SRC: variants seen among roughly 807,000 people sequenced by gnomAD.
The protein encoded by SRC is proto-oncogene tyrosine-protein kinase Src.
A neutral mutation model predicts 62.9 loss-of-function variants in SRC; 13 were observed. The ratio of observed to expected loss-of-function variants is 0.21; its 90% CI spans 0.13 to 0.33. The LOEUF is 0.33. Among genes scored for constraint, SRC ranks in the 10% least tolerant of loss-of-function variants. The probability of loss-of-function intolerance (pLI) is 1.00; values close to 1 mark genes in which losing one functional copy is unlikely to be tolerated. For missense variants in SRC, 457 were observed against 737.3 expected (o/e 0.62, Z 4.40); for synonymous variants, 302 against 317.5 (o/e 0.95, Z 0.52).
chr20:37,373,282 ACAT>A (rs911327214), intron 2 of SRC, among the ~76,000 whole-genome samples: 4 of 149,178 alleles, frequency 2.7e-5, no homozygotes, highest in Admixed American at 1.3e-4. Context: ...ACACACACAC[ACAT>A]ATTACATATG....
chr20:37,352,775 C>T (rs1033510725), intron 1 of SRC, among the ~76,000 whole-genome samples: 3 of 152,176 alleles, frequency 2.0e-5, no homozygotes, highest in African/African-American at 4.8e-5. Context: ...CCCATATTTT[C>T]GAGCCGTAGC....
chr20:37,368,518 CTTTTTTTTTTTTTTTTTTTTTTTTTGT>C (rs2070104479), intron 2 of SRC, among the ~76,000 whole-genome samples: 6 of 73,898 alleles, frequency 8.1e-5, no homozygotes, highest in Admixed American at 6.2e-4. Flanking sequence ...CCTATATTTT[CTTTTTTTTTTTTTTTTTTTTTTTTTGT>C]TTTTTTTTTT....
chr20:37,361,451 T>C (rs930981037), intron 1 of SRC, among the ~76,000 whole-genome samples: 9 of 152,036 alleles, frequency 5.9e-5, no homozygotes, highest in Non-Finnish European at 1.3e-4. Context: ...GGGGGTGGGT[T>C]TGGGGCTCAG....
Position 37,384,542 on chromosome 20 carries a change from C to T in SRC, c.250+139C>T, listed in dbSNP as rs867157905. ...TAGCGCCCCTGGGTGACTTGGGTGT[C>T]CGGGGGGTGGGGGGGCGGCCGTACA... is the stretch of plus-strand genomic sequence containing the variant. On this transcript the variant is annotated intron_variant, in intron 4 of 13. Coordinates refer to ENST00000373578, the MANE Select transcript of SRC (RefSeq NM_198291.3). The surrounding 1 kb of genome is among the most constrained non-coding windows in gnomAD (Gnocchi z 6.7). 6 of 493,848 alleles carry T rather than the reference C, an allele frequency of 1.2e-5. No individual in the cohort carries two copies. The highest frequency in any genetic ancestry group is 2.2e-5 in the African/African-American group (1 of 45,066). The allele number at this position is 493,848 out of a possible 1,614,324, so 30.6% of individuals were successfully genotyped here.
chr20:37,404,620 G>C lies in SRC; in HGVS notation c.*1241G>C. On this transcript the variant is annotated 3_prime_UTR_variant, in exon 14 of 14. Transcript: ENST00000373578. ...CCACTGCCATGCACCAGGACTGGCT[G>C]TGTAACCTTGGGTGGCCCCTGCTGT... is the stretch of plus-strand genomic sequence containing the variant. The C allele has an allele frequency of 4.3e-6, 1 of 233,842 alleles. No homozygotes were observed. Among genetic ancestry groups the C allele is most frequent in the Non-Finnish European group, 8.5e-6 (1 of 118,152 alleles). 14.5% of individuals were successfully genotyped at this position (233,842 alleles called of 1,614,324 possible).
chr20:37,403,675 G>C lies in SRC; in HGVS notation c.*296G>C, dbSNP rs2070779325. 2.2e-6 allele frequency: 1 copy of C among 461,544 alleles called. No individual in the cohort carries two copies. The highest frequency in any genetic ancestry group is 4.0e-6 in the Non-Finnish European group (1 of 253,018). The allele number at this position is 461,544 out of a possible 1,614,324, so 28.6% of individuals were successfully genotyped here. ...TGTGGGTCTCTGGAAGAGGAACCAG[G>C]AGAAGGGCTGGGGCCGGGGCTGAGG... On this transcript the variant is annotated 3_prime_UTR_variant, in exon 14 of 14. Coordinates refer to ENST00000373578, the MANE Select transcript of SRC (RefSeq NM_198291.3). This position sits in a 1 kb window ranked among gnomAD's most constrained non-coding sequence, Gnocchi z 7.1.
At chr20:37,380,718 G>A (rs916975853) in intron 2 of SRC, among the ~76,000 whole-genome samples, 8 of 152,188 alleles carry the variant, frequency 5.3e-5, no homozygotes, top group African/African-American at 1.2e-4. Flanking sequence ...CCTGACAGCC[G>A]CGAGTGCACA....
At chr20:37,383,936 G>A (rs1484541974) in intron 3 of SRC, among the ~76,000 whole-genome samples, 1 of 150,586 alleles carries the variant, frequency 6.6e-6, no homozygotes, top group African/African-American at 2.5e-5. Context: ...GGGTTTCCGC[G>A]TGTTGGCCCG....
At chr20:37,377,772 A>G (rs2070299844) in intron 2 of SRC, among the ~76,000 whole-genome samples, 2 of 152,256 alleles carry the variant, frequency 1.3e-5, no homozygotes. Flanking sequence ...CAACTGATAC[A>G]GGGTGTAAAG....
chr20:37,369,762 C>T lies in SRC; in HGVS notation c.-173+4485C>T, dbSNP rs531689750. On this transcript the variant is annotated intron_variant, in intron 2 of 13. Transcript: ENST00000373578. ...CTTTTACCGTTAAGTAGGATGTTAG[C>T]TCTGGGGTTTTCTTTTTCTTTTTTC... Among the ~76,000 whole-genome samples the T allele has an allele frequency of 2.0e-5, 3 of 151,862 alleles. No individual in the cohort carries two copies. In the South Asian group the frequency reaches 6.2e-4, roughly 32 times the overall value.
intron 2 of SRC, 94 bp downstream of exon 2, chr20:37,365,371 C>A (rs1274620667): frequency 7.3e-6 from 1 of 137,196 alleles, no homozygotes; most frequent in African/African-American, 2.7e-5. Flanking sequence ...CACACACACA[C>A]GACAGGGAAA....
chr20:37,367,243 T>A (rs1323225259), intron 2 of SRC, among the ~76,000 whole-genome samples: 1 of 151,278 alleles, frequency 6.6e-6, no homozygotes, highest in Non-Finnish European at 1.5e-5. Context: ...TGGCTAATTT[T>A]TTTTTTTTTT....
chr20:37,396,071 C>G lies in SRC; in HGVS notation c.554-91C>G, dbSNP rs905648791. ...GGCCCCGCCTGGGCCTCCCTTCCCTCCAATGTCAGGCAGGCACAGAACGGT... is the reference window on the plus strand; with the variant it reads ...GGCCCCGCCTGGGCCTCCCTTCCCTGCAATGTCAGGCAGGCACAGAACGGT... On this transcript the variant is annotated intron_variant, in intron 7 of 13. Coordinates refer to ENST00000373578, the MANE Select transcript of SRC (RefSeq NM_198291.3). This position sits in a 1 kb window ranked among gnomAD's most constrained non-coding sequence, Gnocchi z 6.1. 1 of 1,528,930 alleles carries G rather than the reference C, an allele frequency of 6.5e-7. No homozygotes were observed. The highest frequency in any genetic ancestry group is 2.3e-5 in the East Asian group (1 of 44,046). 94.7% of individuals were successfully genotyped at this position (1,528,930 alleles called of 1,614,324 possible).
At chr20:37,363,911 G>A (rs554723417) in intron 1 of SRC, among the ~76,000 whole-genome samples, 2 of 152,170 alleles carry the variant, frequency 1.3e-5, no homozygotes, top group South Asian at 2.1e-4. Flanking sequence ...TGATGAGCGT[G>A]GTGCATGGCA....
intron 1 of SRC, among the ~76,000 whole-genome samples, chr20:37,348,759 G>A (rs2069758707): frequency 6.6e-6 from 1 of 152,196 alleles, no homozygotes; most frequent in Admixed American, 6.5e-5. Flanking sequence ...GTTGCCAGTT[G>A]AGTTACTATA....
chr20:37,386,003 A>T, intron 4 of SRC, 72 bp from the exon 5 acceptor site: 1 of 1,225,948 alleles, frequency 8.2e-7, no homozygotes, highest in Non-Finnish European at 1.2e-6. Context: ...CCTCCTGGGT[A>T]CAGGGCCATC....
chr20:37,400,427 C>T (rs2070720686), intron 10 of SRC, 133 bp downstream of exon 10: 2 of 794,818 alleles, frequency 2.5e-6, no homozygotes, highest in African/African-American at 3.5e-5. Flanking sequence ...TCTCTGTTGC[C>T]TGGGCCGGAG....
intron 1 of SRC, among the ~76,000 whole-genome samples, chr20:37,353,497 G>A (rs551440851): frequency 4.6e-4 from 70 of 152,232 alleles, no homozygotes; most frequent in African/African-American, 1.6e-3. Flanking sequence ...AGACACGCCC[G>A]GGACCCTGAA....
intron 5 of SRC, among the ~76,000 whole-genome samples, chr20:37,391,057 C>T (rs1157949222): frequency 6.6e-6 from 1 of 152,212 alleles, no homozygotes; most frequent in East Asian, 1.9e-4. Context: ...GCATCGGCTG[C>T]ACTCCTCTCG....
Sources: allele counts gnomAD v4.1 joint callset (sites outside exome capture counted in the v4.1 genomes callset), GRCh38; gene constraint gnomAD v4.1.1; non-coding constraint Gnocchi (gnomAD v3.1); transcripts MANE v1.5; gene names NCBI Gene and HGNC (gene_info 2026-07-23, HGNC 2026-07-21).